TANC2: variants seen among roughly 807,000 people sequenced by gnomAD.
TANC2 encodes tetratricopeptide repeat, ankyrin repeat and coiled-coil containing 2.
Under a neutral mutation model 210.5 loss-of-function variants are expected in TANC2, and 26 were observed. The observed-to-expected ratio is 0.12, with a 90% confidence interval of 0.09 to 0.17. TANC2 has a LOEUF of 0.17. Ranked by LOEUF, TANC2 falls within the 10% of genes least tolerant of loss-of-function variation. TANC2 has a pLI of 1.00. For missense variants in TANC2, 2,129 were observed against 2,608.9 expected, an observed-to-expected ratio of 0.82 and a Z score of 4.01; for synonymous variants, 931 against 967.1, an observed-to-expected ratio of 0.96 and a Z score of 0.69.
chr17:63,150,566 A>C (rs2039614043), intron 4 of TANC2: 1 of 152,218 alleles, frequency 6.6e-6, no homozygotes. Flanking sequence ...TCATGATTAA[A>C]TTGGTAACTA....
exon 28 of TANC2, chr17:63,424,515 C>CG (rs1289067259): frequency 6.6e-6 from 1 of 152,178 alleles, no homozygotes; most frequent in African/African-American, 2.4e-5. Flanking sequence ...AGCAAACACT[C>CG]GCTGAGTCCA....
chr17:63,410,600 T>A (rs2048663924), intron 21 of TANC2, among the ~76,000 whole-genome samples: 1 of 151,982 alleles, frequency 6.6e-6, no homozygotes, highest in African/African-American at 2.4e-5. Flanking sequence ...TCAGAAAACA[T>A]TCACCGAACT....
intron 3 of TANC2, among the ~76,000 whole-genome samples, chr17:63,095,947 T>A (rs2037372643): frequency 6.6e-6 from 1 of 152,202 alleles, no homozygotes; most frequent in Non-Finnish European, 1.5e-5. Context: ...GTTATTAGTT[T>A]CTAAAATTAT....
intron 2 of TANC2, among the ~76,000 whole-genome samples, chr17:63,018,933 T>C (rs1046786073): frequency 2.0e-5 from 3 of 152,238 alleles, no homozygotes; most frequent in Non-Finnish European, 2.9e-5. Context: ...TACCACTGTT[T>C]AACCATTCAC....
At chr17:63,102,414 ATT>A (rs200715516) in intron 4 of TANC2, among the ~76,000 whole-genome samples, 17 of 144,580 alleles carry the variant, frequency 1.2e-4, no homozygotes, top group South Asian at 4.4e-4. Context: ...TGATTGCAGG[ATT>A]TTTTTTTTTT....
chr17:63,304,116 C>G lies in TANC2; in HGVS notation c.1160-10272C>G, dbSNP rs574506627. Among the ~76,000 whole-genome samples the G allele has an allele frequency of 9.9e-4, 151 of 152,220 alleles. 2 individuals are homozygous for G. In the Middle Eastern group the frequency reaches 0.01, roughly 10 times the overall value. On this transcript the variant is annotated intron_variant, in intron 9 of 27. Coordinates refer to ENST00000689528, the Ensembl canonical transcript of TANC2. Reference sequence around the variant, plus strand: ...CGTCCATCTCATCCTTCATCCAGTTCTGCGCCCTTGCAGGAGAGGCGTTGC... The same window carrying G: ...CGTCCATCTCATCCTTCATCCAGTTGTGCGCCCTTGCAGGAGAGGCGTTGC...
At chr17:63,273,839 C>T (rs2043793033) in intron 9 of TANC2, among the ~76,000 whole-genome samples, 2 of 152,198 alleles carry the variant, frequency 1.3e-5, no homozygotes, top group Non-Finnish European at 2.9e-5. Flanking sequence ...TCTTTAGCCC[C>T]ATTCCACACC....
intron 11 of TANC2, among the ~76,000 whole-genome samples, chr17:63,320,127 C>G (rs1481973041): frequency 1.3e-5 from 2 of 152,188 alleles, no homozygotes; most frequent in Non-Finnish European, 2.9e-5. Context: ...ATACATCACT[C>G]TGGCGCCAAG....
intron 1 of TANC2, among the ~76,000 whole-genome samples, chr17:62,972,723 T>C (rs2031771863): frequency 6.6e-6 from 1 of 152,222 alleles, no homozygotes; most frequent in Admixed American, 6.5e-5. Flanking sequence ...AATGATCTGG[T>C]CCCTGCCTCC....
intron 15 of TANC2, among the ~76,000 whole-genome samples, chr17:63,383,691 G>A (rs1290656086): frequency 6.6e-6 from 1 of 152,132 alleles, no homozygotes; most frequent in Admixed American, 6.5e-5. Flanking sequence ...GTTTTTATGT[G>A]AACATAATTT....
chr17:63,261,091 T>C (rs1247127115), intron 8 of TANC2, among the ~76,000 whole-genome samples: 2 of 151,982 alleles, frequency 1.3e-5, no homozygotes, highest in Non-Finnish European at 2.9e-5. Context: ...TTTTAAATAT[T>C]AGCCAGGTAC....
At chr17:63,073,650 AC>A (rs2036474856) in intron 2 of TANC2, among the ~76,000 whole-genome samples, 1 of 152,192 alleles carries the variant, frequency 6.6e-6, no homozygotes, top group Admixed American at 6.5e-5. Flanking sequence ...CTGTGACTGA[AC>A]TTTGGTGTTG....
At chr17:63,312,836 A>G (rs2045175203) in intron 9 of TANC2, among the ~76,000 whole-genome samples, 1 of 151,974 alleles carries the variant, frequency 6.6e-6, no homozygotes, top group Non-Finnish European at 1.5e-5. Flanking sequence ...ACCCCCCACA[A>G]CCCCACTTTA....
chr17:63,006,182 G>A (rs1368535796), intron 1 of TANC2, among the ~76,000 whole-genome samples: 2 of 151,778 alleles, frequency 1.3e-5, no homozygotes, highest in Non-Finnish European at 2.9e-5. Context: ...AATCAGCCTT[G>A]GTTTAGCAGA....
intron 4 of TANC2, among the ~76,000 whole-genome samples, chr17:63,127,234 A>G (rs1298671446): frequency 6.6e-6 from 1 of 152,178 alleles, no homozygotes; most frequent in Non-Finnish European, 1.5e-5. Context: ...TTAATGAACC[A>G]TTTTTGTAGA....
At chr17:62,987,255 C>T (rs868206499) in intron 1 of TANC2, among the ~76,000 whole-genome samples, 1 of 152,134 alleles carries the variant, frequency 6.6e-6, no homozygotes, top group Admixed American at 6.5e-5. Flanking sequence ...CTCCTGGGGT[C>T]GTGGTGTTCA....
intron 3 of TANC2, chr17:63,088,844 C>A (rs192719139): frequency 1.3e-5 from 2 of 152,310 alleles, no homozygotes; most frequent in East Asian, 3.9e-4. Context: ...TCCCATGTCT[C>A]TGAAGGGAAT....
intron 2 of TANC2, among the ~76,000 whole-genome samples, chr17:63,041,158 C>A (rs1248008886): frequency 6.6e-6 from 1 of 151,776 alleles, no homozygotes; most frequent in Non-Finnish European, 1.5e-5. Flanking sequence ...TTTTTTATAG[C>A]CAAAGCAAAG....
chr17:63,237,288 A>G (rs1188247499), intron 7 of TANC2, among the ~76,000 whole-genome samples: 1 of 151,676 alleles, frequency 6.6e-6, no homozygotes, highest in Non-Finnish European at 1.5e-5. Flanking sequence ...ATTTCTGTTT[A>G]TGTCCTTTGC....
Sources: allele counts gnomAD v4.1 joint callset (sites outside exome capture counted in the v4.1 genomes callset), GRCh38; gene constraint gnomAD v4.1.1; transcripts MANE v1.5; gene names NCBI Gene and HGNC (gene_info 2026-07-23, HGNC 2026-07-21).